Variants in PKD2L1 observed in about 807,000 individuals in gnomAD.
PKD2L1 encodes the protein polycystin 2 like 1, transient receptor potential cation channel, also known as polycystin-2-like protein 1.
PKD2L1 carries 77 observed loss-of-function variants against 93.0 expected under a neutral mutation model. That is an observed-to-expected ratio of 0.83 (90% CI 0.69 to 1.00). The LOEUF (loss-of-function observed/expected upper bound fraction) is 1.00, where lower values mean the gene tolerates loss of function less well. Among genes scored for constraint, PKD2L1 ranks in the 50% least tolerant of loss-of-function variants. The pLI is 0.00. For missense variants in PKD2L1, 977 were observed against 990.9 expected, an observed-to-expected ratio of 0.99 and a Z score of 0.19; for synonymous variants, 390 against 388.0, an observed-to-expected ratio of 1.01 and a Z score of -0.06.
At chr10:100,311,216 C>T (rs966362745) in intron 2 of PKD2L1, among the ~76,000 whole-genome samples, 2 of 152,172 alleles carry the variant, frequency 1.3e-5, no homozygotes, top group Non-Finnish European at 2.9e-5. Context: ...CCACTAGGAA[C>T]CTCAGGCTTT....
In PKD2L1 at chr10:100,291,447, A is replaced by C. The variant is rs201040680; in HGVS notation, c.1881-20T>G. On this transcript the variant is annotated intron_variant, in intron 11 of 15. Transcript: ENST00000318222. ...CCCAGTCTGAGAAGAGGATGATGAAATGATTTCTGCCCAGCTGTGGCTGTG... is the reference window on the plus strand; with the variant it reads ...CCCAGTCTGAGAAGAGGATGATGAACTGATTTCTGCCCAGCTGTGGCTGTG... 628 of 1,613,294 alleles carry C rather than the reference A, an allele frequency of 3.9e-4. 1 individual carries two copies. The highest frequency in any genetic ancestry group is 4.6e-4 in the Non-Finnish European group (540 of 1,179,568).
chr10:100,301,454 G>GCCCCC (rs55870246), intron 2 of PKD2L1, among the ~76,000 whole-genome samples: 8 of 146,508 alleles, frequency 5.5e-5, no homozygotes, highest in African/African-American at 1.5e-4. Flanking sequence ...CATTTTAGAG[G>GCCCCC]CCCCCCCCCC....
intron 9 of PKD2L1, 107 bp downstream of exon 9, chr10:100,294,428 T>A (rs1848473297): frequency 8.2e-7 from 1 of 1,218,662 alleles, no homozygotes. Flanking sequence ...CCACTCACTC[T>A]CCATCCTTGA....
chr10:100,307,437 C>T (rs1442599207), intron 2 of PKD2L1, among the ~76,000 whole-genome samples: 2 of 152,168 alleles, frequency 1.3e-5, no homozygotes, highest in Non-Finnish European at 2.9e-5. Flanking sequence ...GCTTGAGGAT[C>T]ACTTGAGCCC....
intron 4 of PKD2L1, 96 bp from the exon 5 acceptor site, chr10:100,297,702 T>TTTTGTGTGTG (rs878965086): frequency 1.7e-6 from 1 of 605,740 alleles, no homozygotes; most frequent in Non-Finnish European, 2.9e-6. Flanking sequence ...GGTTTACATA[T>TTTTGTGTGTG]TGTGTGTGTG....
intron 2 of PKD2L1, among the ~76,000 whole-genome samples, chr10:100,308,203 TAAC>T (rs955929230): frequency 6.6e-6 from 1 of 152,158 alleles, no homozygotes; most frequent in African/African-American, 2.4e-5. Flanking sequence ...TGCTCAATAA[TAAC>T]AACAACCACC....
chr10:100,302,850 T>C (rs962682705), intron 2 of PKD2L1, among the ~76,000 whole-genome samples: 1 of 152,234 alleles, frequency 6.6e-6, no homozygotes, highest in Non-Finnish European at 1.5e-5. Flanking sequence ...ATTGGTGAAA[T>C]TGTAATATGG....
chr10:100,299,503 C>T (rs928422384), intron 3 of PKD2L1, 88 bp downstream of exon 3: 2 of 1,236,874 alleles, frequency 1.6e-6, no homozygotes, highest in African/African-American at 1.5e-5. Context: ...GATTTGATTT[C>T]CCAGCATAAG....
At chr10:100,309,925 TG>T (rs1337456983) in intron 2 of PKD2L1, among the ~76,000 whole-genome samples, 4 of 138,114 alleles carry the variant, frequency 2.9e-5, no homozygotes, top group Non-Finnish European at 5.9e-5. Flanking sequence ...AATCCCATTA[TG>T]GTTGAAGCCA....
Position 100,296,182 on chromosome 10 carries a change from G to A in PKD2L1, c.1296C>T (p.Ala432=). The A allele has an allele frequency of 1.2e-6, 2 of 1,612,536 alleles. No individual in the cohort carries two copies. The highest frequency in any genetic ancestry group is 1.7e-6 in the Non-Finnish European group (2 of 1,179,350). ...PNTYADFEFL[A]FWQTQYNNMN... is the part of the protein sequence containing the mutation. ...TGTTGTTGTACTGTGTCTGCCAGAA[G>A]GCGAGGAACTCAAAGTCTGCATACG... Residue 432 remains alanine (A), a synonymous_variant, in exon 7 of 16, where the codon GCC becomes GCT. Coordinates refer to ENST00000318222, the MANE Select transcript of PKD2L1 (RefSeq NM_016112.3).
In PKD2L1 at chr10:100,330,049, C is replaced by G; in HGVS notation, c.55G>C (p.Ala19Pro). 1 of 1,609,692 alleles carries G rather than the reference C, an allele frequency of 6.2e-7. No homozygotes were observed. Among genetic ancestry groups the G allele is most frequent in the Non-Finnish European group, 8.5e-7 (1 of 1,177,144 alleles). The change falls in exon 1 of 16, where the codon GCC becomes CCC. Residue 19 changes from alanine (A) to proline (P), a missense_variant. Physicochemically the swap from Ala to Pro is conservative, Grantham distance 27. Coordinates refer to ENST00000318222, the MANE Select transcript of PKD2L1 (RefSeq NM_016112.3). ...GQELQKLGSG[A>P]WDNPAYSGPP... ...CCACTGTAGGCGGGGTTGTCCCAGG[C>G]TCCACTCCCCAGCTTTTGCAGCTCC...
At chr10:100,304,084 T>C (rs1315146049) in intron 2 of PKD2L1, among the ~76,000 whole-genome samples, 2 of 152,276 alleles carry the variant, frequency 1.3e-5, no homozygotes, top group Admixed American at 1.3e-4. Context: ...AAATGCCTAT[T>C]GACAGGCAGA....
At chr10:100,302,011 T>C (rs1273059070) in intron 2 of PKD2L1, among the ~76,000 whole-genome samples, 1 of 152,146 alleles carries the variant, frequency 6.6e-6, no homozygotes, top group Admixed American at 6.5e-5. Context: ...AATTTTGTAT[T>C]TTTAGTAGAG....
chr10:100,299,652 T>C lies in PKD2L1; in HGVS notation c.416A>G (p.His139Arg), dbSNP rs1297420595. 1 of 1,613,304 alleles carries C rather than the reference T, an allele frequency of 6.2e-7. No individual in the cohort carries two copies. Among genetic ancestry groups the C allele is most frequent in the Non-Finnish European group, 8.5e-7 (1 of 1,179,340 alleles). Residue 139 changes from histidine (H) to arginine (R), a missense_variant, in exon 3 of 16, where the codon CAT (histidine) becomes CGT (arginine). His to Arg is a conservative substitution (Grantham distance 29, BLOSUM62 0). Coordinates refer to ENST00000318222, the MANE Select transcript of PKD2L1 (RefSeq NM_016112.3). ...GGAGACTCCAGTGTCTGATGGAGTA[T>C]GTAAGAAGAGCTCAGACATCACTTT... ...YTKVMSELFLHTPSDTGVSFQ... is the reference protein window; with the variant it reads ...YTKVMSELFLRTPSDTGVSFQ...
chr10:100,297,771 T>C (rs1000627559), intron 4 of PKD2L1, among the ~76,000 whole-genome samples, 165 bp from the exon 5 acceptor site: 4 of 151,930 alleles, frequency 2.6e-5, no homozygotes, highest in Non-Finnish European at 5.9e-5. Context: ...TATACATATA[T>C]AATGTATCAT....
intron 2 of PKD2L1, among the ~76,000 whole-genome samples, chr10:100,319,960 G>C (rs1849190927): frequency 1.3e-5 from 2 of 152,208 alleles, no homozygotes; most frequent in African/African-American, 4.8e-5. Context: ...AGAAGACAAA[G>C]GGCTGGAAGC....
intron 2 of PKD2L1, among the ~76,000 whole-genome samples, chr10:100,301,270 C>G (rs1848667866): frequency 6.6e-6 from 1 of 152,184 alleles, no homozygotes; most frequent in South Asian, 2.1e-4. Context: ...TCCTGCTGTG[C>G]ATGCATTGTC....
chr10:100,301,536 A>G (rs1433479535), intron 2 of PKD2L1, among the ~76,000 whole-genome samples: 2 of 150,144 alleles, frequency 1.3e-5, no homozygotes, highest in Non-Finnish European at 3.0e-5. Flanking sequence ...AGTGATATTT[A>G]TCTTACCCGT....
intron 2 of PKD2L1, among the ~76,000 whole-genome samples, chr10:100,303,191 G>GTTTTTTTTTTTTT (rs146131470): frequency 7.8e-6 from 1 of 128,984 alleles, no homozygotes. Flanking sequence ...ACATCAAACT[G>GTTTTTTTTTTTTT]TTTTTTTGTT....
Sources: allele counts gnomAD v4.1 joint callset (sites outside exome capture counted in the v4.1 genomes callset), GRCh38; gene constraint gnomAD v4.1.1; transcripts MANE v1.5; gene names NCBI Gene and HGNC (gene_info 2026-07-23, HGNC 2026-07-21).